The following SPIDR variants were observed in gnomAD, a reference collection of about 807,000 sequenced individuals.
The protein encoded by SPIDR is scaffold protein involved in DNA repair.
A neutral mutation model predicts 104.6 loss-of-function variants in SPIDR; 93 were observed. That is an observed-to-expected ratio of 0.89 (90% CI 0.75 to 1.06). The LOEUF (loss-of-function observed/expected upper bound fraction) is 1.06. SPIDR is among the 50% of genes least tolerant of loss of function. SPIDR has a pLI of 0.00. For missense variants in SPIDR, 1,154 were observed against 1,111.2 expected (o/e 1.04, Z -0.55); for synonymous variants, 431 against 416.9 (o/e 1.03, Z -0.41).
At chr8:47,670,364 T>C (rs2075631496) in intron 10 of SPIDR, among the ~76,000 whole-genome samples, 1 of 152,172 alleles carries the variant, frequency 6.6e-6, no homozygotes. Context: ...TCAGGTAGCA[T>C]ACTGGAAACT....
At chr8:47,526,018 G>C (rs1487955480) in intron 8 of SPIDR, among the ~76,000 whole-genome samples, 1 of 152,196 alleles carries the variant, frequency 6.6e-6, no homozygotes, top group Non-Finnish European at 1.5e-5. Context: ...GGATCAGAAG[G>C]AATCCAGAAG....
At chr8:47,374,671 A>T (rs2058439596) in intron 5 of SPIDR, among the ~76,000 whole-genome samples, 1 of 152,118 alleles carries the variant, frequency 6.6e-6, no homozygotes. Context: ...CTAAGTTTTA[A>T]TCTTCTAATT....
At chr8:47,352,348 T>C (rs1024795569) in intron 5 of SPIDR, among the ~76,000 whole-genome samples, 6 of 152,114 alleles carry the variant, frequency 3.9e-5, no homozygotes, top group African/African-American at 1.4e-4. Flanking sequence ...GAGTCTAGGC[T>C]GTAAAATATA....
intron 8 of SPIDR, among the ~76,000 whole-genome samples, chr8:47,443,746 T>G (rs554937456): frequency 3.8e-4 from 54 of 143,096 alleles, no homozygotes; most frequent in African/African-American, 1.3e-3. Flanking sequence ...ATTTAAACTG[T>G]TTTTTTTTTT....
intron 2 of SPIDR, among the ~76,000 whole-genome samples, chr8:47,282,012 C>T (rs1222244468): frequency 6.6e-6 from 1 of 152,214 alleles, no homozygotes; most frequent in Non-Finnish European, 1.5e-5. Flanking sequence ...CCTTGTACTT[C>T]TCCATCATAG....
At chr8:47,445,095 G>A (rs1381249465) in intron 8 of SPIDR, among the ~76,000 whole-genome samples, 1 of 152,072 alleles carries the variant, frequency 6.6e-6, no homozygotes, top group Non-Finnish European at 1.5e-5. Flanking sequence ...TGGTCACATC[G>A]AATATAGCCC....
chr8:47,517,053 C>T (rs769517406), intron 8 of SPIDR, among the ~76,000 whole-genome samples: 7 of 152,084 alleles, frequency 4.6e-5, no homozygotes, highest in South Asian at 2.1e-4. Flanking sequence ...GGCACGATCT[C>T]GGCTCACTGC....
intron 8 of SPIDR, among the ~76,000 whole-genome samples, chr8:47,496,723 T>G (rs2079512961): frequency 6.6e-6 from 1 of 151,372 alleles, no homozygotes; most frequent in South Asian, 2.1e-4. Flanking sequence ...CTACTCTTTT[T>G]TTTTTTTTTT....
intron 7 of SPIDR, among the ~76,000 whole-genome samples, chr8:47,417,396 C>A (rs1242123671): frequency 2.6e-5 from 4 of 152,290 alleles, no homozygotes; most frequent in African/African-American, 9.6e-5. Context: ...AGCATTTTTT[C>A]ATGTGTCTCT....
chr8:47,305,862 T>A (rs1390953619), intron 5 of SPIDR, among the ~76,000 whole-genome samples: 1 of 152,216 alleles, frequency 6.6e-6, no homozygotes, highest in African/African-American at 2.4e-5. Flanking sequence ...AAATGTGCAA[T>A]TCAGTGGTAT....
chr8:47,513,890 C>G (rs187625444), intron 8 of SPIDR, among the ~76,000 whole-genome samples: 28 of 152,188 alleles, frequency 1.8e-4, no homozygotes, highest in African/African-American at 6.5e-4. Flanking sequence ...ATTTGGAAAA[C>G]AGGTTGTTTT....
At chr8:47,460,686 A>G (rs550283472) in intron 8 of SPIDR, among the ~76,000 whole-genome samples, 38 of 152,306 alleles carry the variant, frequency 2.5e-4, no homozygotes, top group African/African-American at 7.5e-4. Context: ...TGTTTCATTC[A>G]TCATGCTATT....
chr8:47,503,076 A>G lies in SPIDR; in HGVS notation c.1097+62534A>G, dbSNP rs1191615581. ...TTCCAACTATGTGGTCAGTTTTGGA[A>G]TAGGTGTGTTGTGGTGCTGAAAAGA... On this transcript the variant is annotated intron_variant, in intron 8 of 19. Transcript: ENST00000297423. 1.3e-5 allele frequency among the ~76,000 whole-genome samples: 2 copies of G among 152,264 alleles called. 1 individual carries two copies. The highest frequency in any genetic ancestry group is 4.8e-5 in the African/African-American group (2 of 41,570).
intron 8 of SPIDR, among the ~76,000 whole-genome samples, chr8:47,500,084 A>G (rs1302916508): frequency 2.0e-5 from 3 of 152,188 alleles, no homozygotes; most frequent in African/African-American, 7.2e-5. Context: ...GCTATTGTGA[A>G]TAGTGCCACA....
intron 10 of SPIDR, among the ~76,000 whole-genome samples, chr8:47,670,972 A>G (rs2075710387): frequency 6.6e-6 from 1 of 152,072 alleles, no homozygotes; most frequent in South Asian, 2.1e-4. Context: ...GCAGTGGCAC[A>G]GTCGTAGCTC....
chr8:47,311,417 G>A (rs4498545), intron 5 of SPIDR, among the ~76,000 whole-genome samples: 79,708 of 151,956 alleles, frequency 0.52, 24,602 homozygotes, highest in East Asian at 0.73. Context: ...CCCTAAATTG[G>A]TAAAAAACAT....
At chr8:47,681,520 G>T (rs1176071173) in intron 11 of SPIDR, among the ~76,000 whole-genome samples, 1 of 152,036 alleles carries the variant, frequency 6.6e-6, no homozygotes, top group Non-Finnish European at 1.5e-5. Context: ...TATTGTTACT[G>T]TAAACTGACA....
At chr8:47,543,078 T>C (rs925761661) in intron 8 of SPIDR, among the ~76,000 whole-genome samples, 1 of 152,172 alleles carries the variant, frequency 6.6e-6, no homozygotes, top group Non-Finnish European at 1.5e-5. Flanking sequence ...TTTGTTTAAC[T>C]ATTCACCCAT....
At chr8:47,443,481 GA>G (rs2069859065) in intron 8 of SPIDR, among the ~76,000 whole-genome samples, 1 of 145,242 alleles carries the variant, frequency 6.9e-6, no homozygotes, top group African/African-American at 2.5e-5. Flanking sequence ...AAAGGTGAAA[GA>G]ATCGCTTGAG....
Sources: allele counts gnomAD v4.1 joint callset (sites outside exome capture counted in the v4.1 genomes callset), GRCh38; gene constraint gnomAD v4.1.1; transcripts MANE v1.5; gene names NCBI Gene and HGNC (gene_info 2026-07-23, HGNC 2026-07-21).